Variants in WDR70 observed in about 807,000 individuals in gnomAD.
The protein encoded by WDR70 is WD repeat domain 70, also known as WD repeat-containing protein 70.
Under a neutral mutation model 88.6 loss-of-function variants are expected in WDR70, and 53 were observed. The observed-to-expected ratio is 0.60, with a 90% CI of 0.48 to 0.75. The LOEUF (loss-of-function observed/expected upper bound fraction) is 0.75. WDR70 is among the 30% of genes least tolerant of loss of function. WDR70 has a pLI of 0.00. For synonymous variants in WDR70, 280 were observed against 270.0 expected (o/e 1.04, Z -0.36); for missense variants, 610 against 823.2 (o/e 0.74, Z 3.17).
chr5:37,397,128 C>A (rs1749040369), intron 5 of WDR70, among the ~76,000 whole-genome samples: 1 of 142,596 alleles, frequency 7.0e-6, no homozygotes, highest in South Asian at 2.3e-4. Context: ...CAGAGTGAGA[C>A]CCTGTCTCAA....
At chr5:37,597,681 C>T (rs1743743902) in intron 9 of WDR70, among the ~76,000 whole-genome samples, 1 of 152,206 alleles carries the variant, frequency 6.6e-6, no homozygotes, top group Non-Finnish European at 1.5e-5. Context: ...TTTGCACTTG[C>T]CTGCTCCTTT....
intron 9 of WDR70, among the ~76,000 whole-genome samples, chr5:37,579,325 C>G (rs911589488): frequency 6.6e-6 from 1 of 152,094 alleles, no homozygotes; most frequent in Admixed American, 6.5e-5. Context: ...GTGGCTCACG[C>G]CTGTAATCCC....
intron 5 of WDR70, among the ~76,000 whole-genome samples, chr5:37,418,584 GA>G (rs540139557): frequency 6.6e-6 from 1 of 151,786 alleles, no homozygotes; most frequent in Admixed American, 6.6e-5. Context: ...TTATAATCAT[GA>G]AAAAAAGTTA....
rs148154847 is a variant in WDR70, at chr5:37,633,667, G to A, written c.1092+28429G>A. ...TCTTCCCACACATGAAATATGTGTC[G>A]CAAAGAGGAAAATATATTTTAGACA... On this transcript the variant is annotated intron_variant, in intron 10 of 17. Coordinates refer to ENST00000265107, the MANE Select transcript of WDR70 (RefSeq NM_018034.4). 1.3e-3 allele frequency among the ~76,000 whole-genome samples: 198 copies of A among 152,056 alleles called. 1 individual carries two copies. The highest frequency in any genetic ancestry group is 4.6e-3 in the African/African-American group (192 of 41,476).
intron 4 of WDR70, 141 bp from the exon 5 acceptor site, chr5:37,396,234 G>T (rs1262028622): frequency 8.4e-7 from 1 of 1,195,512 alleles, no homozygotes; most frequent in Non-Finnish European, 1.1e-6. Flanking sequence ...AACATTTAAT[G>T]TTTGAACTAC....
intron 10 of WDR70, among the ~76,000 whole-genome samples, chr5:37,685,697 T>A (rs908797928): frequency 1.3e-5 from 2 of 152,178 alleles, no homozygotes; most frequent in Non-Finnish European, 2.9e-5. Flanking sequence ...CTCTATTGGC[T>A]GGCACGCTGC....
chr5:37,571,460 A>G (rs563251807), intron 9 of WDR70, among the ~76,000 whole-genome samples: 2 of 152,192 alleles, frequency 1.3e-5, no homozygotes, highest in Admixed American at 6.5e-5. Flanking sequence ...AGATGTTGGA[A>G]TAAATTTGAT....
chr5:37,391,947 T>C (rs938262893), intron 3 of WDR70, 53 bp from the exon 4 acceptor site: 1 of 1,566,010 alleles, frequency 6.4e-7, no homozygotes, highest in East Asian at 2.3e-5. Flanking sequence ...ACTAACATAT[T>C]TTGAATTGTA....
At chr5:37,453,149 A>G (rs1738725935) in intron 7 of WDR70, among the ~76,000 whole-genome samples, 1 of 152,220 alleles carries the variant, frequency 6.6e-6, no homozygotes, top group Admixed American at 6.5e-5. Context: ...TTACCTGAAT[A>G]TATTTTTCTT....
At chr5:37,596,437 C>A (rs1425184488) in intron 9 of WDR70, among the ~76,000 whole-genome samples, 1 of 152,138 alleles carries the variant, frequency 6.6e-6, no homozygotes, top group Non-Finnish European at 1.5e-5. Flanking sequence ...AATGTGGCAA[C>A]TATGTTTTGA....
chr5:37,685,147 T>A (rs957557743), intron 10 of WDR70, among the ~76,000 whole-genome samples: 2 of 152,018 alleles, frequency 1.3e-5, no homozygotes, highest in Admixed American at 6.6e-5. Flanking sequence ...GTGGGGCTGA[T>A]GGGCTCTGTG....
chr5:37,750,534 T>G (rs544380616), intron 17 of WDR70, among the ~76,000 whole-genome samples: 5 of 152,154 alleles, frequency 3.3e-5, no homozygotes, highest in Admixed American at 6.5e-5. Context: ...ACCCTGTCTC[T>G]AAAAAAAGAG....
At chr5:37,491,281 A>T (rs1186239004) in intron 8 of WDR70, among the ~76,000 whole-genome samples, 1 of 152,014 alleles carries the variant, frequency 6.6e-6, no homozygotes, top group Non-Finnish European at 1.5e-5. Context: ...TCTCTCTTTG[A>T]TGCTGTATTT....
chr5:37,721,418 C>G, intron 14 of WDR70: 1 of 579,834 alleles, frequency 1.7e-6, no homozygotes, highest in South Asian at 2.2e-5. Flanking sequence ...ACACTGAATT[C>G]AAAGCGAAAG....
intron 10 of WDR70, among the ~76,000 whole-genome samples, chr5:37,618,397 C>G (rs1436798598): frequency 2.0e-5 from 3 of 152,104 alleles, no homozygotes; most frequent in Admixed American, 2.0e-4. Context: ...GAGACAGAGA[C>G]CTGCTCAGTT....
rs376674803 is a variant in WDR70, at chr5:37,563,751, T to G, written c.918-41313T>G. 9.6e-5 allele frequency among the ~76,000 whole-genome samples: 4 copies of G among 41,740 alleles called. 1 individual carries two copies. The highest frequency in any genetic ancestry group is 2.7e-3 in the South Asian group (2 of 748). 27.4% of individuals were successfully genotyped at this position (41,740 alleles called of 152,430 possible). ...AGACGGGGTGGCTGCCGGGCGGAGA[T>G]GCTCCTCACGTCCCAGACGGAGTGG... On this transcript the variant is annotated intron_variant, in intron 9 of 17. Transcript: ENST00000265107.
At chr5:37,609,082 T>C (rs1476849549) in intron 10 of WDR70, among the ~76,000 whole-genome samples, 1 of 152,206 alleles carries the variant, frequency 6.6e-6, no homozygotes, top group African/African-American at 2.4e-5. Flanking sequence ...TAAAGAATAG[T>C]AGCATAAAAA....
At chr5:37,430,495 G>A (rs910744535) in intron 5 of WDR70, among the ~76,000 whole-genome samples, 3 of 152,136 alleles carry the variant, frequency 2.0e-5, no homozygotes, top group Non-Finnish European at 4.4e-5. Context: ...GATTAAAATC[G>A]CCCTGTACTA....
chr5:37,495,411 GTACAGACAGAT>G (rs1421995297), intron 8 of WDR70, among the ~76,000 whole-genome samples: 4 of 151,992 alleles, frequency 2.6e-5, no homozygotes, highest in Non-Finnish European at 4.4e-5. Context: ...AGCCACAAGA[GTACAGACAGAT>G]TACAGACAGA....
Sources: gnomAD v4.1 joint callset for allele counts (sites outside exome capture counted in the v4.1 genomes callset) on GRCh38, gnomAD v4.1.1 for gene constraint, MANE v1.5 for transcripts, NCBI Gene and HGNC (gene_info 2026-07-23, HGNC 2026-07-21) for gene names.